Variants in XKR9 observed in about 807,000 individuals in gnomAD.
XKR9 encodes XK-related protein 9.
In XKR9, 32 loss-of-function variants were observed where a neutral mutation model predicts 32.0. The observed-to-expected ratio is 1.00, with a 90% CI of 0.76 to 1.34. The LOEUF (loss-of-function observed/expected upper bound fraction) is 1.34, where lower values mean the gene tolerates loss of function less well. Ranked by LOEUF, XKR9 falls within the 40% of genes most tolerant of loss-of-function variation. The probability of loss-of-function intolerance (pLI) is 0.00; values close to 1 mark genes in which losing one functional copy is unlikely to be tolerated. For missense variants in XKR9, 546 were observed against 429.7 expected (o/e 1.27, Z -2.39); for synonymous variants, 168 against 143.4 (o/e 1.17, Z -1.22).
chr8:70,819,939 A>G, the XKR9 span, among the ~76,000 whole-genome samples: 1 of 152,194 alleles, frequency 6.6e-6, no homozygotes, highest in Non-Finnish European at 1.5e-5. Flanking sequence ...TGGCTCATAT[A>G]AAACATTTTT....
chr8:70,697,431 A>T (rs1407012554), intron 3 of XKR9, among the ~76,000 whole-genome samples: 1 of 151,586 alleles, frequency 6.6e-6, no homozygotes, highest in African/African-American at 2.4e-5. Context: ...TTCTGCATCT[A>T]TTGAGATAAT....
chr8:70,743,721 T>C (rs1381569550), intron 2 of XKR9, among the ~76,000 whole-genome samples: 1 of 152,134 alleles, frequency 6.6e-6, no homozygotes, highest in Admixed American at 6.6e-5. Context: ...TCCTAGATTT[T>C]CCACCTCATT....
At chr8:70,823,507 C>G in the XKR9 span, among the ~76,000 whole-genome samples, 1 of 152,190 alleles carries the variant, frequency 6.6e-6, no homozygotes, top group Non-Finnish European at 1.5e-5. Flanking sequence ...GAGATACACT[C>G]TATCTTTTCT....
chr8:70,776,947 C>CTCTATATATATATATATATATATA, intron 2 of XKR9, among the ~76,000 whole-genome samples: 5 of 54,204 alleles, frequency 9.2e-5, no homozygotes, highest in African/African-American at 4.0e-4. Flanking sequence ...CTCTCTCTCT[C>CTCTATATATATATATATATATATA]TATATATATA....
chr8:70,852,859 A>G, the XKR9 span, among the ~76,000 whole-genome samples: 61,169 of 151,842 alleles, frequency 0.4, 13,848 homozygotes, highest in Non-Finnish European at 0.52. Context: ...CAGGTGGGGG[A>G]CAGGAAAAGG....
At chr8:70,695,914 TTC>T (rs1355081419) in intron 3 of XKR9, among the ~76,000 whole-genome samples, 1 of 151,938 alleles carries the variant, frequency 6.6e-6, no homozygotes, top group African/African-American at 2.4e-5. Flanking sequence ...TGATTTGCAT[TTC>T]TCTGATGGCC....
intron 3 of XKR9, among the ~76,000 whole-genome samples, chr8:70,693,305 TATATTAGTGAG>T (rs1805144914): frequency 6.6e-6 from 1 of 152,080 alleles, no homozygotes; most frequent in African/African-American, 2.4e-5. Flanking sequence ...TCAGTGGGGG[TATATTAGTGAG>T]ATATTTTTGC....
At chr8:70,814,550 T>A in the XKR9 span, among the ~76,000 whole-genome samples, 1 of 150,498 alleles carries the variant, frequency 6.6e-6, no homozygotes, top group Non-Finnish European at 1.5e-5. Flanking sequence ...CAAATTACAG[T>A]CTCTTTCTGA....
the XKR9 span, among the ~76,000 whole-genome samples, chr8:70,878,073 G>C: frequency 9.2e-5 from 14 of 152,114 alleles, no homozygotes; most frequent in Non-Finnish European, 7.3e-5. Context: ...CTTCATAAGT[G>C]CAGGAGAAAT....
chr8:70,956,601 T>C, the XKR9 span, among the ~76,000 whole-genome samples: 1 of 151,974 alleles, frequency 6.6e-6, no homozygotes, highest in African/African-American at 2.4e-5. Context: ...GGTGCCCAGG[T>C]TGTCCATTTC....
At chr8:70,812,223 C>G in the XKR9 span, among the ~76,000 whole-genome samples, 3 of 152,246 alleles carry the variant, frequency 2.0e-5, no homozygotes, top group East Asian at 5.8e-4. Flanking sequence ...CAGAAAAGGC[C>G]TTTGACAAAA....
the XKR9 span, among the ~76,000 whole-genome samples, chr8:70,978,338 T>G: frequency 6.6e-6 from 1 of 152,244 alleles, no homozygotes; most frequent in Admixed American, 6.5e-5. Flanking sequence ...ATCGATGGTC[T>G]TTAGAATTTG....
At chr8:70,820,764 C>T in the XKR9 span, among the ~76,000 whole-genome samples, 10 of 152,078 alleles carry the variant, frequency 6.6e-5, no homozygotes, top group Non-Finnish European at 1.2e-4. Context: ...CATCAGATAT[C>T]GTGAGAACTC....
the XKR9 span, among the ~76,000 whole-genome samples, chr8:70,926,930 A>G: frequency 6.6e-6 from 1 of 152,156 alleles, no homozygotes; most frequent in African/African-American, 2.4e-5. Flanking sequence ...TCATATATAT[A>G]TGAAAACCAA....
the XKR9 span, among the ~76,000 whole-genome samples, chr8:70,853,091 T>G: frequency 3.9e-5 from 6 of 152,128 alleles, no homozygotes; most frequent in Non-Finnish European, 8.8e-5. Flanking sequence ...CTATAATAAT[T>G]TGCAACAACA....
At chr8:70,887,898 A>G in the XKR9 span, among the ~76,000 whole-genome samples, 1 of 152,108 alleles carries the variant, frequency 6.6e-6, no homozygotes, top group South Asian at 2.1e-4. Context: ...CTCTCTTCCT[A>G]TTTGAATACC....
chr8:71,062,893 A>G, the XKR9 span, among the ~76,000 whole-genome samples: 37 of 152,296 alleles, frequency 2.4e-4, no homozygotes, highest in Middle Eastern at 6.8e-3. Flanking sequence ...GAGGCAGTCC[A>G]TTGATTACAC....
chr8:70,789,704 A>G (rs968485109), intron 3 of XKR9, among the ~76,000 whole-genome samples: 14 of 150,448 alleles, frequency 9.3e-5, no homozygotes, highest in Middle Eastern at 3.4e-3. Flanking sequence ...TTAATTTTTC[A>G]TGACCTATAG....
At chr8:70,681,609 ACTTTTAT>A (rs1819086480) in intron 3 of XKR9, among the ~76,000 whole-genome samples, 1 of 152,124 alleles carries the variant, frequency 6.6e-6, no homozygotes, top group Admixed American at 6.6e-5. Context: ...GTCTTACAGA[ACTTTTAT>A]CTTCTGTGTA....
Sources: gnomAD v4.1 joint callset for allele counts (sites outside exome capture counted in the v4.1 genomes callset) on GRCh38, gnomAD v4.1.1 for gene constraint, MANE v1.5 for transcripts, NCBI Gene and HGNC (gene_info 2026-07-23, HGNC 2026-07-21) for gene names.